ZFHX3: variants seen among roughly 807,000 people sequenced by gnomAD.
ZFHX3 encodes the protein zinc finger homeobox protein 3.
A neutral mutation model predicts 279.1 loss-of-function variants in ZFHX3; 42 were observed. The observed-to-expected ratio is 0.15, with a 90% CI of 0.12 to 0.19. The LOEUF (loss-of-function observed/expected upper bound fraction) is 0.19, where lower values mean the gene tolerates loss of function less well. Ranked by LOEUF, ZFHX3 falls within the 10% of genes least tolerant of loss-of-function variation. ZFHX3 has a pLI of 1.00. For synonymous variants in ZFHX3, 2,293 were observed against 1,957.8 expected, an observed-to-expected ratio of 1.17 and a Z score of -4.52; for missense variants, 4,981 against 4,754.0, an observed-to-expected ratio of 1.05 and a Z score of -1.40.
chr16:73,717,571 T>C (rs2053428244), intron 1 of ZFHX3, among the ~76,000 whole-genome samples: 1 of 152,186 alleles, frequency 6.6e-6, no homozygotes, highest in Admixed American at 6.5e-5. Flanking sequence ...ACAAGCCTTT[T>C]GATATTCATG....
At chr16:73,390,418 C>T (rs1163837578) in intron 3 of ZFHX3, among the ~76,000 whole-genome samples, 1 of 152,106 alleles carries the variant, frequency 6.6e-6, no homozygotes, top group Admixed American at 6.5e-5. Flanking sequence ...ACAGGGTAGC[C>T]CCATCATCTC....
At chr16:73,547,578 G>A (rs1173047110) in intron 2 of ZFHX3, among the ~76,000 whole-genome samples, 2 of 152,122 alleles carry the variant, frequency 1.3e-5, no homozygotes, top group Non-Finnish European at 2.9e-5. Flanking sequence ...TGTCAAGAGG[G>A]GAGAGACAGC....
At chr16:72,843,653 A>G (rs1042013992) in intron 4 of ZFHX3, among the ~76,000 whole-genome samples, 2 of 151,870 alleles carry the variant, frequency 1.3e-5, no homozygotes, top group Non-Finnish European at 2.9e-5. Flanking sequence ...GACAGAAGCC[A>G]TGGGCAGTGT....
At chr16:73,722,128 T>C (rs1041109539) in intron 1 of ZFHX3, among the ~76,000 whole-genome samples, 1 of 152,218 alleles carries the variant, frequency 6.6e-6, no homozygotes, top group African/African-American at 2.4e-5. Flanking sequence ...ATATGCTTAG[T>C]GCTCAACTGG....
At chr16:72,990,355 C>A (rs1363565268) in intron 1 of ZFHX3, among the ~76,000 whole-genome samples, 2 of 152,198 alleles carry the variant, frequency 1.3e-5, no homozygotes, top group South Asian at 2.1e-4. Context: ...TGCTCTAAAG[C>A]CCATGTCTCA....
chr16:73,605,863 C>T (rs1359158092), intron 2 of ZFHX3, among the ~76,000 whole-genome samples: 2 of 151,904 alleles, frequency 1.3e-5, no homozygotes, highest in African/African-American at 4.8e-5. Flanking sequence ...ATATAAAAAA[C>T]GTTTTTTCTT....
chr16:73,404,011 G>A (rs1252828630), intron 3 of ZFHX3, among the ~76,000 whole-genome samples: 2 of 152,064 alleles, frequency 1.3e-5, no homozygotes, highest in East Asian at 3.8e-4. Flanking sequence ...GAGTCCCTTT[G>A]GGAACCCCAT....
At position 72,854,024 on chromosome 16, in the gene ZFHX3, A is replaced by G. The variant is rs547554138; in HGVS notation, c.3449-24165T>C. On this transcript the variant is annotated intron_variant, in intron 4 of 9. Transcript: ENST00000268489. ...TTGCAAAACAAAGCACTAGTTAAAA[A>G]TAGTGTATGCAGCAGGGACAGTGTG... is the stretch of plus-strand genomic sequence containing the variant. 1.7e-4 allele frequency among the ~76,000 whole-genome samples: 26 copies of G among 152,346 alleles called. 1 individual carries two copies. The highest frequency in any genetic ancestry group is 1.5e-3 in the Admixed American group (23 of 15,310).
chr16:73,359,088 C>T (rs931621911), intron 3 of ZFHX3, among the ~76,000 whole-genome samples: 3 of 151,734 alleles, frequency 2.0e-5, no homozygotes, highest in Non-Finnish European at 2.9e-5. Context: ...CCTAGGGAGA[C>T]GCCACAGCTC....
intron 1 of ZFHX3, among the ~76,000 whole-genome samples, chr16:72,969,041 A>C (rs1349682419): frequency 6.6e-6 from 1 of 152,220 alleles, no homozygotes; most frequent in Admixed American, 6.5e-5. Context: ...AGGACACGAG[A>C]ATTCTTTGTT....
chr16:73,420,741 C>T (rs539152205), intron 3 of ZFHX3: 6 of 152,268 alleles, frequency 3.9e-5, no homozygotes, highest in South Asian at 2.1e-4. Context: ...GAATATGTTT[C>T]GGGAAAGGTC....
intron 2 of ZFHX3, among the ~76,000 whole-genome samples, chr16:73,553,887 A>C (rs763009453): frequency 3.9e-5 from 6 of 152,160 alleles, no homozygotes; most frequent in Non-Finnish European, 5.9e-5. Context: ...GTATTTCATC[A>C]TCTGATCACT....
chr16:73,855,662 A>C (rs923534045), intron 1 of ZFHX3, among the ~76,000 whole-genome samples: 1 of 152,248 alleles, frequency 6.6e-6, no homozygotes, highest in Non-Finnish European at 1.5e-5. Flanking sequence ...TCTGGAAAAC[A>C]TAACAAGCTC....
intron 4 of ZFHX3, among the ~76,000 whole-genome samples, chr16:73,308,168 G>T (rs1410208374): frequency 1.4e-5 from 2 of 146,448 alleles, no homozygotes; most frequent in African/African-American, 2.6e-5. Context: ...TGAGATTTAG[G>T]TTTGGCTGTC....
intron 1 of ZFHX3, among the ~76,000 whole-genome samples, chr16:73,020,047 C>G (rs1470288420): frequency 6.6e-6 from 1 of 152,108 alleles, no homozygotes; most frequent in Non-Finnish European, 1.5e-5. Flanking sequence ...CCACTGTACC[C>G]TGCAACATCT....
At chr16:72,885,994 G>A (rs1241210520) in intron 4 of ZFHX3, among the ~76,000 whole-genome samples, 4 of 152,234 alleles carry the variant, frequency 2.6e-5, no homozygotes, top group South Asian at 4.1e-4. Flanking sequence ...CTATAAAGTC[G>A]ATGTTTACAA....
intron 3 of ZFHX3, among the ~76,000 whole-genome samples, chr16:72,896,313 G>T (rs796803788): frequency 5.3e-5 from 8 of 152,166 alleles, no homozygotes; most frequent in African/African-American, 1.9e-4. Flanking sequence ...TCTCAGTTTC[G>T]CTGGAAGGGG....
At chr16:73,188,413 G>A (rs566099493) in intron 5 of ZFHX3, among the ~76,000 whole-genome samples, 16 of 152,312 alleles carry the variant, frequency 1.1e-4, no homozygotes, top group African/African-American at 3.6e-4. Flanking sequence ...TAGAGAAGGA[G>A]AAAGAACCTT....
intron 1 of ZFHX3, among the ~76,000 whole-genome samples, chr16:73,765,464 C>T (rs967691170): frequency 1.3e-5 from 2 of 152,186 alleles, no homozygotes; most frequent in African/African-American, 4.8e-5. Flanking sequence ...ACTTGATTTA[C>T]ACAAGATAGA....
Sources: allele counts gnomAD v4.1 joint callset (sites outside exome capture counted in the v4.1 genomes callset), GRCh38; gene constraint gnomAD v4.1.1; transcripts MANE v1.5; gene names NCBI Gene and HGNC (gene_info 2026-07-23, HGNC 2026-07-21).